LYPLAL1: variants seen among roughly 807,000 people sequenced by gnomAD.
LYPLAL1 encodes the protein lysophospholipase-like protein 1.
Under a neutral mutation model 19.7 loss-of-function variants are expected in LYPLAL1, and 23 were observed. The ratio of observed to expected loss-of-function variants is 1.17; its 90% CI spans 0.84 to 1.65. The LOEUF (loss-of-function observed/expected upper bound fraction) is 1.65. Among genes scored for constraint, LYPLAL1 ranks in the 40% most tolerant of loss-of-function variants. The pLI is 0.00. For missense variants in LYPLAL1, 355 were observed against 279.4 expected (o/e 1.27, Z -1.93); for synonymous variants, 119 against 96.3 (o/e 1.24, Z -1.38).
At chr1:219,310,099 G>C in the LYPLAL1 span, among the ~76,000 whole-genome samples, 1 of 152,152 alleles carries the variant, frequency 6.6e-6, no homozygotes, top group South Asian at 2.1e-4. Context: ...CCTCAGCTTT[G>C]CTATTTACTG....
chr1:219,276,666 A>T, the LYPLAL1 span, among the ~76,000 whole-genome samples: 1 of 152,178 alleles, frequency 6.6e-6, no homozygotes, highest in Non-Finnish European at 1.5e-5. Flanking sequence ...ACGACAAATA[A>T]AGATTGACTT....
chr1:219,310,502 G>A, the LYPLAL1 span, among the ~76,000 whole-genome samples: 10 of 152,118 alleles, frequency 6.6e-5, no homozygotes, highest in African/African-American at 2.4e-4. Flanking sequence ...AAAGATCAAG[G>A]CCTGTGAGTA....
the LYPLAL1 span, among the ~76,000 whole-genome samples, chr1:219,241,134 C>CTCTCTCTCTCTCTCTCTCTATATATATA: frequency 2.3e-5 from 1 of 44,370 alleles, no homozygotes; most frequent in African/African-American, 8.0e-5. Flanking sequence ...CTCTCTCTCT[C>CTCTCTCTCTCTCTCTCTCTATATATATA]TATATATATA....
At chr1:219,186,283 G>T (rs1270623090) in intron 2 of LYPLAL1, among the ~76,000 whole-genome samples, 1 of 151,804 alleles carries the variant, frequency 6.6e-6, no homozygotes, top group Non-Finnish European at 1.5e-5. Context: ...CTTGGTGACT[G>T]TTACTGTGCA....
chr1:219,443,694 A>G, the LYPLAL1 span, among the ~76,000 whole-genome samples: 59,636 of 151,330 alleles, frequency 0.39, 12,059 homozygotes, highest in Non-Finnish European at 0.43. Flanking sequence ...AAATCACCAA[A>G]CTTCTAAAGA....
chr1:219,337,871 A>C, the LYPLAL1 span, among the ~76,000 whole-genome samples: 1 of 152,060 alleles, frequency 6.6e-6, no homozygotes, highest in African/African-American at 2.4e-5. Flanking sequence ...GAAAAAAATC[A>C]CCAACCCCAA....
chr1:219,362,327 G>T, the LYPLAL1 span, among the ~76,000 whole-genome samples: 5 of 152,206 alleles, frequency 3.3e-5, no homozygotes, highest in South Asian at 1.0e-3. Flanking sequence ...AGACCCGTTT[G>T]CTCCTTTGTC....
At chr1:219,322,939 T>A in the LYPLAL1 span, among the ~76,000 whole-genome samples, 2 of 152,226 alleles carry the variant, frequency 1.3e-5, no homozygotes, top group African/African-American at 4.8e-5. Context: ...TGTTTCTACA[T>A]GTTGAAATAG....
At chr1:219,213,128 T>C (rs1182714370), downstream of LYPLAL1, among the ~76,000 whole-genome samples, 1 of 152,054 alleles carries the variant, frequency 6.6e-6, no homozygotes, top group African/African-American at 2.4e-5. Flanking sequence ...TAAATGAATG[T>C]GTTAATTTTT....
the LYPLAL1 span, among the ~76,000 whole-genome samples, chr1:219,261,110 T>G: frequency 6.6e-6 from 1 of 152,168 alleles, no homozygotes; most frequent in Admixed American, 6.6e-5. Flanking sequence ...GGCATCGCCT[T>G]AAATATCTTT....
At chr1:219,419,133 G>A in the LYPLAL1 span, among the ~76,000 whole-genome samples, 15 of 144,638 alleles carry the variant, frequency 1.0e-4, no homozygotes, top group South Asian at 2.1e-4. Flanking sequence ...AGGTTTCTGT[G>A]TGGACATAAG....
At chr1:219,404,979 C>T in the LYPLAL1 span, among the ~76,000 whole-genome samples, 1 of 152,152 alleles carries the variant, frequency 6.6e-6, no homozygotes, top group Admixed American at 6.5e-5. Context: ...TTTTGAACAT[C>T]AAACTGGAAA....
At chr1:219,226,339 T>C in the LYPLAL1 span, among the ~76,000 whole-genome samples, 2 of 152,224 alleles carry the variant, frequency 1.3e-5, no homozygotes, top group Non-Finnish European at 2.9e-5. Context: ...TTTTTGCCTT[T>C]GTTTTCCCTG....
chr1:219,225,443 A>G, the LYPLAL1 span: 3 of 152,038 alleles, frequency 2.0e-5, no homozygotes. Context: ...TCTCCATATA[A>G]TATCATTATG....
chr1:219,349,101 G>A, the LYPLAL1 span, among the ~76,000 whole-genome samples: 1 of 152,174 alleles, frequency 6.6e-6, no homozygotes, highest in Non-Finnish European at 1.5e-5. Context: ...GCTCAACACT[G>A]TGAAAAGGTG....
intron 2 of LYPLAL1, among the ~76,000 whole-genome samples, chr1:219,191,545 C>T (rs1471461077): frequency 1.3e-5 from 2 of 151,246 alleles, no homozygotes; most frequent in Non-Finnish European, 3.0e-5. Flanking sequence ...AATAGTGTGC[C>T]AAGAAATAGC....
At chr1:219,248,194 G>A in the LYPLAL1 span, among the ~76,000 whole-genome samples, 6 of 152,028 alleles carry the variant, frequency 3.9e-5, no homozygotes, top group African/African-American at 1.2e-4. Context: ...GTTTGATGTC[G>A]ACGAGGTCCT....
chr1:219,184,919 C>T (rs1005455033), intron 2 of LYPLAL1, among the ~76,000 whole-genome samples: 2 of 151,792 alleles, frequency 1.3e-5, no homozygotes, highest in Non-Finnish European at 2.9e-5. Flanking sequence ...ACGTTATCAT[C>T]GGGGTTATGC....
the LYPLAL1 span, among the ~76,000 whole-genome samples, chr1:219,267,942 A>C: frequency 3.3e-5 from 5 of 152,172 alleles, no homozygotes; most frequent in Non-Finnish European, 7.3e-5. Context: ...TGTGATTTTG[A>C]TATGTAGCTT....
Sources: gnomAD v4.1 joint callset for allele counts (sites outside exome capture counted in the v4.1 genomes callset) on GRCh38, gnomAD v4.1.1 for gene constraint, MANE v1.5 for transcripts, NCBI Gene and HGNC (gene_info 2026-07-23, HGNC 2026-07-21) for gene names.